The following STK3 variants were observed in gnomAD, a reference collection of about 807,000 sequenced individuals.
STK3 encodes serine/threonine-protein kinase 3.
A neutral mutation model predicts 58.0 loss-of-function variants in STK3; 41 were observed. The observed-to-expected ratio is 0.71, with a 90% CI of 0.55 to 0.92. The LOEUF is 0.92. STK3 is among the 40% of genes least tolerant of loss of function. STK3 has a pLI of 0.00. For synonymous variants in STK3, 170 were observed against 191.0 expected (o/e 0.89, Z 0.91); for missense variants, 479 against 602.7 (o/e 0.79, Z 2.15).
At chr8:98,823,704 T>C (rs897994156) in intron 1 of STK3, among the ~76,000 whole-genome samples, 2 of 152,230 alleles carry the variant, frequency 1.3e-5, no homozygotes, top group Admixed American at 6.5e-5. Context: ...TTTTGTTTTG[T>C]TTTTGTTTTT....
chr8:98,662,937 C>T (rs965186806), intron 6 of STK3, among the ~76,000 whole-genome samples: 4 of 151,730 alleles, frequency 2.6e-5, no homozygotes, highest in Non-Finnish European at 4.4e-5. Flanking sequence ...TAGAAGAAAA[C>T]CTAGGCAATA....
At chr8:98,765,384 T>G (rs936037165) in intron 3 of STK3, among the ~76,000 whole-genome samples, 2 of 152,156 alleles carry the variant, frequency 1.3e-5, no homozygotes, top group African/African-American at 4.8e-5. Flanking sequence ...GCAGCAAAGT[T>G]CCTCTAGGAT....
chr8:98,818,451 C>T (rs1834685908), intron 1 of STK3, among the ~76,000 whole-genome samples: 1 of 152,046 alleles, frequency 6.6e-6, no homozygotes, highest in Admixed American at 6.6e-5. Context: ...TCAGAAAGAA[C>T]AGAGCAACAC....
At chr8:98,359,533 A>AAAGAAAG in the STK3 span, among the ~76,000 whole-genome samples, 12 of 142,396 alleles carry the variant, frequency 8.4e-5, no homozygotes, top group East Asian at 1.2e-3. Flanking sequence ...AAAAAAAAAA[A>AAAGAAAG]AAAGAAAGAA....
intron 1 of STK3, among the ~76,000 whole-genome samples, chr8:98,941,381 G>C (rs1564118577): frequency 6.6e-6 from 1 of 152,176 alleles, no homozygotes; most frequent in Non-Finnish European, 1.5e-5. Flanking sequence ...CCAGGCTCTG[G>C]CGAAAAACGG....
intron 6 of STK3, among the ~76,000 whole-genome samples, chr8:98,635,934 A>G (rs914967777): frequency 6.6e-6 from 1 of 152,104 alleles, no homozygotes; most frequent in Non-Finnish European, 1.5e-5. Flanking sequence ...AGCATGGCTT[A>G]CCTTTGGCCA....
intron 6 of STK3, among the ~76,000 whole-genome samples, chr8:98,616,289 C>A (rs1817704650): frequency 8.5e-6 from 1 of 117,200 alleles, no homozygotes; most frequent in Non-Finnish European, 1.7e-5. Flanking sequence ...CCAGGCCTGC[C>A]CTAAAAGAGC....
chr8:98,347,657 C>T, the STK3 span, among the ~76,000 whole-genome samples: 2 of 152,024 alleles, frequency 1.3e-5, no homozygotes, highest in Non-Finnish European at 2.9e-5. Flanking sequence ...ATCAACAATA[C>T]ATTAAATATA....
At chr8:98,496,317 C>T (rs916017006) in intron 10 of STK3, among the ~76,000 whole-genome samples, 4 of 152,058 alleles carry the variant, frequency 2.6e-5, no homozygotes, top group Non-Finnish European at 5.9e-5. Context: ...CAAAAGGTTG[C>T]AGGATACAAG....
chr8:98,713,648 C>G lies in STK3; in HGVS notation c.352-6337G>C, dbSNP rs1202034977. Among the ~76,000 whole-genome samples, 3 of 151,928 alleles carry G rather than the reference C, an allele frequency of 2.0e-5. No homozygotes were observed. The East Asian group carries it at 5.8e-4, about 29-fold the overall frequency. On this transcript the variant is annotated intron_variant, in intron 4 of 10. Transcript: ENST00000419617. ...AGGCAATAATTAATAGCTTACCAACCAAAAAAACTCCAGGACCAAAAGGAT... is the reference window on the plus strand; with the variant it reads ...AGGCAATAATTAATAGCTTACCAACGAAAAAAACTCCAGGACCAAAAGGAT...
At chr8:98,633,178 T>C (rs146112163) in intron 6 of STK3, among the ~76,000 whole-genome samples, 2 of 151,672 alleles carry the variant, frequency 1.3e-5, no homozygotes, top group Non-Finnish European at 2.9e-5. Context: ...AGAAAAAAGA[T>C]GGGAGAAAAT....
chr8:98,524,592 T>G (rs1328029058), intron 10 of STK3, among the ~76,000 whole-genome samples: 1 of 152,256 alleles, frequency 6.6e-6, no homozygotes, highest in Non-Finnish European at 1.5e-5. Flanking sequence ...AAGTATCTCA[T>G]TCTTTTTGAT....
chr8:98,610,107 A>G (rs1477762266), intron 6 of STK3, among the ~76,000 whole-genome samples: 2 of 152,194 alleles, frequency 1.3e-5, no homozygotes, highest in East Asian at 3.8e-4. Flanking sequence ...AAAACAGAAA[A>G]TGAATCAGAG....
At chr8:98,376,647 T>C (rs1183946958) in intron 2 of STK3, among the ~76,000 whole-genome samples, 1 of 152,220 alleles carries the variant, frequency 6.6e-6, no homozygotes, top group Non-Finnish European at 1.5e-5. Context: ...AATTGTTCCA[T>C]CTACTCTAAA....
At chr8:98,469,259 G>A (rs537192539) in intron 10 of STK3, among the ~76,000 whole-genome samples, 736 of 55,362 alleles carry the variant, frequency 0.013, 19 homozygotes, top group African/African-American at 0.04. Context: ...TTGCGGGGGC[G>A]GGGGGGCGGT....
At chr8:98,539,074 T>C (rs1360378556) in intron 9 of STK3, among the ~76,000 whole-genome samples, 2 of 152,186 alleles carry the variant, frequency 1.3e-5, no homozygotes, top group African/African-American at 2.4e-5. Flanking sequence ...CAGTTTTTCA[T>C]AAAAGAATGG....
intron 6 of STK3, among the ~76,000 whole-genome samples, chr8:98,694,143 T>A (rs1461845206): frequency 4.6e-5 from 7 of 152,314 alleles, no homozygotes; most frequent in Non-Finnish European, 7.3e-5. Context: ...TCTATTTAAA[T>A]GCTATGTTTC....
At chr8:98,407,764 G>GCA (rs1563594583) in intron 3 of STK3, among the ~76,000 whole-genome samples, 9 of 151,796 alleles carry the variant, frequency 5.9e-5, no homozygotes, top group South Asian at 4.2e-4. Context: ...GTGTGCGCGC[G>GCA]CGCGCGCATG....
chr8:98,535,456 ATTT>A (rs34779344), intron 9 of STK3, among the ~76,000 whole-genome samples: 1 of 143,718 alleles, frequency 7.0e-6, no homozygotes. Flanking sequence ...GCTTTCATTA[ATTT>A]TTTTTTTTTT....
Sources: allele counts gnomAD v4.1 joint callset (sites outside exome capture counted in the v4.1 genomes callset), GRCh38; gene constraint gnomAD v4.1.1; transcripts MANE v1.5; gene names NCBI Gene and HGNC (gene_info 2026-07-23, HGNC 2026-07-21).